The following PDSS2 variants were observed in gnomAD, a reference collection of about 807,000 sequenced individuals.
PDSS2 encodes all trans-polyprenyl-diphosphate synthase PDSS2.
PDSS2 carries 31 observed loss-of-function variants against 44.5 expected under a neutral mutation model. The observed-to-expected ratio is 0.70, with a 90% CI of 0.52 to 0.94. The LOEUF (loss-of-function observed/expected upper bound fraction) is 0.94. Ranked by LOEUF, PDSS2 falls within the 40% of genes least tolerant of loss-of-function variation. The pLI, the probability that PDSS2 is intolerant of heterozygous loss-of-function variation, is 0.00. For missense variants in PDSS2, 452 were observed against 482.2 expected, an observed-to-expected ratio of 0.94 and a Z score of 0.59; for synonymous variants, 157 against 180.3, an observed-to-expected ratio of 0.87 and a Z score of 1.03.
intron 7 of PDSS2, among the ~76,000 whole-genome samples, chr6:107,158,538 C>T (rs1408766834): frequency 6.6e-6 from 1 of 152,104 alleles, no homozygotes; most frequent in Non-Finnish European, 1.5e-5. Context: ...TAAACTCCAT[C>T]AGATTCTCAG....
chr6:107,283,027 T>TA (rs1271576228), intron 2 of PDSS2, among the ~76,000 whole-genome samples: 1 of 151,496 alleles, frequency 6.6e-6, no homozygotes, highest in Non-Finnish European at 1.5e-5. Flanking sequence ...CCCAGACTGA[T>TA]AAACAGTTTG....
intron 1 of PDSS2, among the ~76,000 whole-genome samples, chr6:107,458,171 G>A (rs1314864206): frequency 6.6e-6 from 1 of 151,350 alleles, no homozygotes; most frequent in Admixed American, 6.6e-5. Context: ...ATTCAGGTGT[G>A]GGGTTTAAGT....
chr6:107,367,450 G>T (rs1206596972), intron 1 of PDSS2, among the ~76,000 whole-genome samples: 1 of 152,148 alleles, frequency 6.6e-6, no homozygotes, highest in Non-Finnish European at 1.5e-5. Context: ...AAGGATGTCA[G>T]TTCAACTCAA....
intron 1 of PDSS2, among the ~76,000 whole-genome samples, chr6:107,405,466 C>T (rs1160314613): frequency 3.3e-5 from 5 of 151,758 alleles, no homozygotes; most frequent in African/African-American, 4.8e-5. Flanking sequence ...ATCTACAAAG[C>T]AACTAGATAA....
At chr6:107,425,674 T>C (rs319101) in intron 1 of PDSS2, among the ~76,000 whole-genome samples, 109,980 of 152,156 alleles carry the variant, frequency 0.72, 40,199 homozygotes, top group Middle Eastern at 0.8. Context: ...ACAATGCAAT[T>C]GAAAAGAAAA....
chr6:107,183,803 G>A (rs939851933), intron 7 of PDSS2, among the ~76,000 whole-genome samples: 1 of 152,118 alleles, frequency 6.6e-6, no homozygotes, highest in African/African-American at 2.4e-5. Context: ...GCTGAGGCAG[G>A]AGAATTGCTT....
chr6:107,360,487 T>G (rs1328522307), intron 1 of PDSS2, among the ~76,000 whole-genome samples: 1 of 152,194 alleles, frequency 6.6e-6, no homozygotes, highest in Non-Finnish European at 1.5e-5. Flanking sequence ...TAAAAAGAAG[T>G]AGGCCCACCA....
chr6:107,265,668 G>T (rs1360187354), intron 3 of PDSS2, among the ~76,000 whole-genome samples: 1 of 152,192 alleles, frequency 6.6e-6, no homozygotes, highest in Non-Finnish European at 1.5e-5. Context: ...TTGGCCAGGT[G>T]CGGTGGCTCA....
intron 1 of PDSS2, among the ~76,000 whole-genome samples, chr6:107,452,394 G>C (rs1172812308): frequency 6.6e-6 from 1 of 151,598 alleles, no homozygotes; most frequent in Non-Finnish European, 1.5e-5. Context: ...CACCACACCG[G>C]CTAATTTTTG....
At chr6:107,193,102 G>C (rs1185070894) in intron 7 of PDSS2, among the ~76,000 whole-genome samples, 2 of 152,206 alleles carry the variant, frequency 1.3e-5, no homozygotes, top group Non-Finnish European at 2.9e-5. Flanking sequence ...TTGTCCCTGA[G>C]GGGAAAACAG....
chr6:107,190,884 A>C (rs914759104), intron 7 of PDSS2, among the ~76,000 whole-genome samples: 1 of 151,578 alleles, frequency 6.6e-6, no homozygotes, highest in Non-Finnish European at 1.5e-5. Flanking sequence ...GATAGACAAC[A>C]CAGAGCAATG....
chr6:107,169,792 G>A (rs931267298), intron 7 of PDSS2, among the ~76,000 whole-genome samples: 21 of 152,164 alleles, frequency 1.4e-4, no homozygotes, highest in African/African-American at 4.6e-4. Context: ...GCAGAACAGC[G>A]AATATTGGTG....
chr6:107,435,292 AC>A (rs1267425031), intron 1 of PDSS2, among the ~76,000 whole-genome samples: 9 of 68,010 alleles, frequency 1.3e-4, no homozygotes, highest in African/African-American at 9.6e-4. Flanking sequence ...ACACACACAC[AC>A]ACACACACAC....
intron 4 of PDSS2, among the ~76,000 whole-genome samples, chr6:107,223,914 G>A (rs1390642042): frequency 6.6e-6 from 1 of 151,266 alleles, no homozygotes; most frequent in Non-Finnish European, 1.5e-5. Flanking sequence ...GGGCTGCACA[G>A]CAAGAGGTGA....
At chr6:107,312,911 G>A (rs1448402639) in intron 2 of PDSS2, among the ~76,000 whole-genome samples, 1 of 152,172 alleles carries the variant, frequency 6.6e-6, no homozygotes, top group Non-Finnish European at 1.5e-5. Context: ...TTATACATGA[G>A]TATCCTGGTC....
intron 1 of PDSS2, among the ~76,000 whole-genome samples, chr6:107,394,435 A>T (rs1188178704): frequency 6.6e-6 from 1 of 152,146 alleles, no homozygotes; most frequent in Non-Finnish European, 1.5e-5. Context: ...CAAAAGCAGG[A>T]GCAGGGGAGG....
At chr6:107,273,983 G>A in intron 3 of PDSS2, 46 bp downstream of exon 3, 1 of 1,481,826 alleles carries the variant, frequency 6.7e-7, no homozygotes, top group Non-Finnish European at 9.4e-7. Flanking sequence ...CCAACTAATT[G>A]CTACCTGAAG....
At chr6:107,242,732 A>G (rs1031775423) in intron 4 of PDSS2, among the ~76,000 whole-genome samples, 2 of 151,922 alleles carry the variant, frequency 1.3e-5, no homozygotes, top group Non-Finnish European at 2.9e-5. Flanking sequence ...GGGTCTTCCC[A>G]TGTTGTCCAG....
At chr6:107,374,096 A>G (rs528992400) in intron 1 of PDSS2, among the ~76,000 whole-genome samples, 2 of 152,054 alleles carry the variant, frequency 1.3e-5, no homozygotes, top group Admixed American at 6.5e-5. Flanking sequence ...GTCTACAAAA[A>G]TACAAAAATT....
Sources: allele counts gnomAD v4.1 joint callset (sites outside exome capture counted in the v4.1 genomes callset), GRCh38; gene constraint gnomAD v4.1.1; transcripts MANE v1.5; gene names NCBI Gene and HGNC (gene_info 2026-07-23, HGNC 2026-07-21).